Variants in MIB2 observed in about 807,000 individuals in gnomAD.
MIB2 encodes MIB E3 ubiquitin protein ligase 2.
MIB2 carries 78 observed loss-of-function variants against 96.6 expected under a neutral mutation model. The ratio of observed to expected loss-of-function variants is 0.81; its 90% CI spans 0.67 to 0.97. The LOEUF (loss-of-function observed/expected upper bound fraction) is 0.97. Among genes scored for constraint, MIB2 ranks in the 50% least tolerant of loss-of-function variants. MIB2 has a pLI of 0.00. For missense variants in MIB2, 1,543 were observed against 1,424.0 expected, an observed-to-expected ratio of 1.08 and a Z score of -1.35; for synonymous variants, 820 against 629.5, an observed-to-expected ratio of 1.30 and a Z score of -4.53.
intron 2 of MIB2, among the ~76,000 whole-genome samples, chr1:1,622,067 G>A (rs993151834): frequency 6.6e-6 from 1 of 152,218 alleles, no homozygotes; most frequent in Non-Finnish European, 1.5e-5. Flanking sequence ...GCTGGCCTGT[G>A]AGGCCCAGGC....
Position 1,626,045 on chromosome 1 carries a change from G to A in MIB2, c.972+392G>A. 1 of 227,608 alleles carries A rather than the reference G, an allele frequency of 4.4e-6. No homozygotes were observed. Among genetic ancestry groups the A allele is most frequent in the Non-Finnish European group, 8.6e-6 (1 of 116,042 alleles). 14.1% of individuals were successfully genotyped at this position (227,608 alleles called of 1,614,324 possible). A position where few individuals can be genotyped will look rare whatever the true frequency, so the allele number is the denominator to read the frequency against. On this transcript the variant is annotated intron_variant, in intron 8 of 19. Transcript: ENST00000355826. This position sits in a 1 kb window ranked among gnomAD's most constrained non-coding sequence, Gnocchi z 5.3. The stretch of plus-strand genomic sequence containing the variant: ...GTGGATGCTTGGCCTAGAGTGGTGG[G>A]GGAGGTAGTGAGGGCTGCCTGGGAA...
rs1638227128 is a variant in MIB2 at position 1,629,299 on chromosome 1, C to T, written c.2369C>T (p.Ala790Val). Residue 790 changes from alanine to valine, a missense_variant, in exon 17 of 20, where the codon GCC (alanine) becomes GTC (valine). Transcript: ENST00000355826. ...GTGCTCAAGGCCCTTCAGGGCTGCG[C>T]CCAGCGCTTCCGGTGAGTCCGTGGA... Reference protein sequence around the residue: ...GRVLKALQGCAQRFRERQAGG... With the variant: ...GRVLKALQGCVQRFRERQAGG... 2.0e-6 allele frequency: 3 copies of T among 1,506,218 alleles called. No individual in the cohort carries two copies. Among genetic ancestry groups the T allele is most frequent in the South Asian group, 1.3e-5 (1 of 77,342 alleles). The allele number at this position is 1,506,218 out of a possible 1,614,324, so 93.3% of individuals were successfully genotyped here. A position where few individuals can be genotyped will look rare whatever the true frequency, so the allele number is the denominator to read the frequency against.
At chr1:1,623,317 C>T in intron 2 of MIB2, 114 bp from the exon 3 acceptor site, 1 of 1,469,652 alleles carries the variant, frequency 6.8e-7, no homozygotes, top group East Asian at 2.6e-5. Flanking sequence ...CGTTGGGCCT[C>T]TCTGCTCTCC....
In MIB2 at chr1:1,626,640, T is replaced by C; in HGVS notation, c.973-10T>C. ...CTGGGGGGCCCCTCACGCCCCTCTT[T>C]GTCGCTCAGCACCACTCCTTCTGGG... On this transcript the variant is annotated splice_polypyrimidine_tract_variant and intron_variant, in intron 8 of 19. Transcript: ENST00000355826. This position sits in a 1 kb window ranked among gnomAD's most constrained non-coding sequence, Gnocchi z 5.3. The C allele has an allele frequency of 6.5e-7, 1 of 1,545,784 alleles. No individual in the cohort carries two copies. The highest frequency in any genetic ancestry group is 1.2e-5 in the South Asian group (1 of 80,598).
Position 1,628,668 on chromosome 1 carries a change from C to T in MIB2, c.2148C>T (p.Pro716=), listed in dbSNP as rs373124666. Residue 716 remains proline (P), a synonymous_variant, in exon 16 of 20, where the codon CCC becomes CCT. Transcript: ENST00000355826. The part of the protein sequence containing the change: ...HVALQRHQLL[P]LVADGAGGDP... The stretch of plus-strand genomic sequence containing the variant: ...CGCTGCAGCGTCATCAGCTGCTGCC[C>T]CTGGTGGCTGATGGGGCCGGGGGGG... 2.9e-4 allele frequency: 461 copies of T among 1,585,810 alleles called. No individual in the cohort carries two copies. Among genetic ancestry groups the T allele is most frequent in the Non-Finnish European group, 3.8e-4 (439 of 1,168,844 alleles).
At chr1:1,615,482 G>A (rs1224044643), upstream of MIB2, 5 of 1,523,890 alleles carry the variant, frequency 3.3e-6, no homozygotes, top group Non-Finnish European at 4.4e-6. Flanking sequence ...CTCCGGCGGG[G>A]GCGGGCCCTG....
chr1:1,614,986 GC>G (rs1230303792), upstream of MIB2: 3 of 156,020 alleles, frequency 1.9e-5, no homozygotes, highest in Admixed American at 2.0e-4. Context: ...TTGCACTCCA[GC>G]CTGGGCGACA....
At chr1:1,615,386 T>C (rs945598214), upstream of MIB2, 1 of 1,439,298 alleles carries the variant, frequency 6.9e-7, no homozygotes, top group Non-Finnish European at 9.0e-7. Flanking sequence ...CCACGCAGGG[T>C]AGGCGACGCA....
chr1:1,615,234 G>T, upstream of MIB2: 1 of 839,054 alleles, frequency 1.2e-6, no homozygotes, highest in Non-Finnish European at 1.7e-6. Flanking sequence ...TCGGAAAGAG[G>T]TGGCTGCGGC....
chr1:1,629,831 A>G (rs1321024509), intron 19 of MIB2, 127 bp downstream of exon 19: 3 of 900,410 alleles, frequency 3.3e-6, no homozygotes, highest in Admixed American at 5.9e-5. Flanking sequence ...CCGCCCTCCC[A>G]AGGCTCACAC....
Position 1,629,214 on chromosome 1 carries a change from G to A in MIB2, c.2284G>A (p.Asp762Asn), listed in dbSNP as rs899138233. The change falls in exon 17 of 20, where the codon GAC becomes AAC. Residue 762 changes from aspartate to asparagine, a missense_variant. Coordinates refer to ENST00000355826, the MANE Select transcript of MIB2 (RefSeq NM_001170687.4). ...CTGCTTCCTGGCGCTGGAGGGCGCC[G>A]ACGTGAGCTACACCAACCACCGCGG... ...VACFLALEGA[D>N]VSYTNHRGRS... 8 of 1,534,412 alleles carry A rather than the reference G, an allele frequency of 5.2e-6. No individual in the cohort carries two copies. Among genetic ancestry groups the A allele is most frequent in the African/African-American group, 4.3e-5 (3 of 69,958 alleles).
upstream of MIB2, chr1:1,615,429 C>A: frequency 2.7e-6 from 4 of 1,493,770 alleles, no homozygotes; most frequent in East Asian, 2.6e-5. Flanking sequence ...CCGGTGCTTG[C>A]CCTGCCCATC....
chr1:1,623,574 G>A lies in MIB2; in HGVS notation c.122G>A (p.Arg41His), dbSNP rs763099461. The A allele has an allele frequency of 1.3e-5, 20 of 1,515,842 alleles. No homozygotes were observed. Among genetic ancestry groups the A allele is most frequent in the African/African-American group, 8.4e-5 (6 of 71,840 alleles). The allele number at this position is 1,515,842 out of a possible 1,614,324, so 93.9% of individuals were successfully genotyped here. ...GGVGTVVELG[R>H]HGSPSTPDRT... Reference sequence around the variant, plus strand: ...GTGGGCACGGTGGTGGAGCTTGGCCGCCACGGCAGCCCCTCGACACCCGAC... The same window carrying A: ...GTGGGCACGGTGGTGGAGCTTGGCCACCACGGCAGCCCCTCGACACCCGAC... The change falls in exon 3 of 20, where the codon CGC becomes CAC. Residue 41 changes from arginine (R) to histidine (H), a missense_variant. Transcript: ENST00000355826.
In MIB2 at chr1:1,624,784, C is replaced by A. The variant is rs753837940; in HGVS notation, c.420-11C>A. On this transcript the variant is annotated splice_polypyrimidine_tract_variant and intron_variant, in intron 4 of 19. Transcript: ENST00000355826. Reference sequence around the variant, plus strand: ...TTCTTCTGAGAGCTTTATTTGTGAACCCTCTTGCAGTGTCACACTGAGTCC... The same window carrying A: ...TTCTTCTGAGAGCTTTATTTGTGAAACCTCTTGCAGTGTCACACTGAGTCC... 11 of 1,609,378 alleles carry A rather than the reference C, an allele frequency of 6.8e-6. No individual in the cohort carries two copies. Among genetic ancestry groups the A allele is most frequent in the Non-Finnish European group, 9.3e-6 (11 of 1,177,532 alleles).
At chr1:1,627,970 G>A (rs1469097771) in intron 13 of MIB2, 49 bp from the exon 14 acceptor site, 6 of 1,608,850 alleles carry the variant, frequency 3.7e-6, no homozygotes, top group Non-Finnish European at 5.1e-6. Context: ...CCTGGCTCTT[G>A]ACCCAAGCAG....
In MIB2 at chr1:1,629,259, G is replaced by A; in HGVS notation, c.2329G>A (p.Ala777Thr). The A allele has an allele frequency of 1.3e-6, 2 of 1,544,388 alleles. No homozygotes were observed. The highest frequency in any genetic ancestry group is 1.7e-6 in the Non-Finnish European group (2 of 1,156,850). The change falls in exon 17 of 20, where the codon GCC (alanine) becomes ACC (threonine). Residue 777 changes from alanine to threonine, a missense_variant. Coordinates refer to ENST00000355826, the MANE Select transcript of MIB2 (RefSeq NM_001170687.4). ...CCGCGGTCGGAGCCCGCTGGACCTG[G>A]CCGCCGAGGGTCGCGTGCTCAAGGC... Reference protein sequence around the residue: ...NHRGRSPLDLAAEGRVLKALQ... With the variant: ...NHRGRSPLDLTAEGRVLKALQ...
Position 1,615,714 on chromosome 1 carries a change from C to T in MIB2, c.-130+81C>T, listed in dbSNP as rs1017735779. The stretch of plus-strand genomic sequence containing the variant: ...CTCCGCTCTGGCAGAACGCGAGCGC[C>T]GTCCGGTTCCCGCTCCCGCTGGCCC... On this transcript the variant is annotated intron_variant, in intron 1 of 19. Transcript: ENST00000355826. The T allele has an allele frequency of 6.0e-6, 9 of 1,496,158 alleles. No homozygotes were observed. The African/African-American group carries it at 1.2e-4, about 20-fold the overall frequency. 92.7% of individuals were successfully genotyped at this position (1,496,158 alleles called of 1,614,324 possible). A position where few individuals can be genotyped will look rare whatever the true frequency, so the allele number is the denominator to read the frequency against.
In MIB2 at chr1:1,630,322, C is replaced by T. The variant is rs527303383; in HGVS notation, c.2660C>T (p.Ala887Val). The T allele has an allele frequency of 6.5e-6, 10 of 1,531,224 alleles. No individual in the cohort carries two copies. The highest frequency in any genetic ancestry group is 2.0e-5 in the Admixed American group (1 of 50,336). 94.9% of individuals were successfully genotyped at this position (1,531,224 alleles called of 1,614,324 possible). The change falls in exon 20 of 20, where the codon GCC (alanine) becomes GTC (valine). Residue 887 changes from alanine (A) to valine (V), a missense_variant. By Grantham distance (64) the Ala-to-Val change is moderately conservative. Coordinates refer to ENST00000355826, the MANE Select transcript of MIB2 (RefSeq NM_001170687.4). ...DGSEVASAAP[A>V]PGPPRQLVEE... ...TCTGAGGTGGCGAGCGCCGCCCCCG[C>T]CCCCGGCCCGCCGCGCCAGCTGGTG...
rs926737770 is a variant in MIB2, at chr1:1,629,215, A to G, written c.2285A>G (p.Asp762Gly). 20 of 1,535,194 alleles carry G rather than the reference A, an allele frequency of 1.3e-5. No individual in the cohort carries two copies. Among genetic ancestry groups the G allele is most frequent in the Non-Finnish European group, 1.7e-5 (19 of 1,150,924 alleles). ...VACFLALEGA[D>G]VSYTNHRGRS... Reference sequence around the variant, plus strand: ...TGCTTCCTGGCGCTGGAGGGCGCCGACGTGAGCTACACCAACCACCGCGGT... The same window carrying G: ...TGCTTCCTGGCGCTGGAGGGCGCCGGCGTGAGCTACACCAACCACCGCGGT... The change falls in exon 17 of 20, where the codon GAC becomes GGC. Residue 762 changes from aspartate (D) to glycine (G), a missense_variant. Coordinates refer to ENST00000355826, the MANE Select transcript of MIB2 (RefSeq NM_001170687.4).
Sources: allele counts gnomAD v4.1 joint callset (sites outside exome capture counted in the v4.1 genomes callset), GRCh38; gene constraint gnomAD v4.1.1; non-coding constraint Gnocchi (gnomAD v3.1); transcripts MANE v1.5; gene names NCBI Gene and HGNC (gene_info 2026-07-23, HGNC 2026-07-21).